RNF169: variants seen among roughly 807,000 people sequenced by gnomAD.
RNF169 encodes ring finger protein 169.
RNF169 carries 24 observed loss-of-function variants against 53.9 expected under a neutral mutation model. The ratio of observed to expected loss-of-function variants is 0.45; its 90% CI spans 0.32 to 0.63. The LOEUF (loss-of-function observed/expected upper bound fraction) is 0.63, where lower values mean the gene tolerates loss of function less well. RNF169 is among the 20% of genes least tolerant of loss of function. The probability of loss-of-function intolerance (pLI) is 0.04; values close to 1 mark genes in which losing one functional copy is unlikely to be tolerated. For synonymous variants in RNF169, 396 were observed against 363.5 expected, an observed-to-expected ratio of 1.09 and a Z score of -1.02; for missense variants, 883 against 906.2, an observed-to-expected ratio of 0.97 and a Z score of 0.33.
At chr11:74,772,993 T>C (rs1019086359) in intron 1 of RNF169, among the ~76,000 whole-genome samples, 1 of 152,222 alleles carries the variant, frequency 6.6e-6, no homozygotes, top group African/African-American at 2.4e-5. Flanking sequence ...AATGGAGATG[T>C]ACTGTCAAAA....
At chr11:74,819,213 C>T (rs1419428027) in intron 4 of RNF169, among the ~76,000 whole-genome samples, 1 of 152,096 alleles carries the variant, frequency 6.6e-6, no homozygotes, top group East Asian at 1.9e-4. Context: ...CAATTTTTAT[C>T]TTCTCTTGGA....
At chr11:74,756,172 C>T (rs538864053) in intron 1 of RNF169, among the ~76,000 whole-genome samples, 13 of 152,174 alleles carry the variant, frequency 8.5e-5, no homozygotes, top group Middle Eastern at 3.4e-3. Context: ...GGCACTAGAG[C>T]TGCAAATAGA....
chr11:74,826,619 G>A (rs908802533), intron 4 of RNF169, among the ~76,000 whole-genome samples: 3 of 152,158 alleles, frequency 2.0e-5, no homozygotes, highest in African/African-American at 7.2e-5. Context: ...CTGCCTATGA[G>A]CCTGTAAAAT....
intron 4 of RNF169, chr11:74,832,621 C>T (rs569978167): frequency 2.0e-5 from 3 of 152,136 alleles, no homozygotes; most frequent in African/African-American, 7.2e-5. Flanking sequence ...AGGCAACTAT[C>T]GGTGAACTGC....
At chr11:74,828,806 AC>A (rs2036135018) in intron 4 of RNF169, among the ~76,000 whole-genome samples, 1 of 152,160 alleles carries the variant, frequency 6.6e-6, no homozygotes, top group Non-Finnish European at 1.5e-5. Flanking sequence ...CTGAAACTGG[AC>A]CCCTTCCTTA....
chr11:74,833,820 A>AT (rs758668857), intron 4 of RNF169, among the ~76,000 whole-genome samples: 1 of 152,220 alleles, frequency 6.6e-6, no homozygotes, highest in African/African-American at 2.4e-5. Context: ...TCATCTGCAC[A>AT]TAATTCTAAC....
chr11:74,775,514 C>A (rs369558490), intron 1 of RNF169, among the ~76,000 whole-genome samples: 1 of 151,668 alleles, frequency 6.6e-6, no homozygotes, highest in African/African-American at 2.4e-5. Context: ...TCATATTCAT[C>A]TCTCTGTTCT....
chr11:74,815,744 G>C (rs1325874582), intron 3 of RNF169, among the ~76,000 whole-genome samples: 5 of 152,102 alleles, frequency 3.3e-5, no homozygotes, highest in Admixed American at 6.5e-5. Context: ...TTTTACAGAT[G>C]AGGAAACTGA....
intron 1 of RNF169, among the ~76,000 whole-genome samples, chr11:74,786,959 A>G (rs926553897): frequency 6.6e-6 from 1 of 152,218 alleles, no homozygotes; most frequent in African/African-American, 2.4e-5. Flanking sequence ...CTACCAGGCT[A>G]TTGCTAAAAT....
At position 74,835,619 on chromosome 11, in the gene RNF169, C is replaced by T. The variant is rs1048312164; in HGVS notation, c.1016C>T (p.Ser339Leu). 6.2e-6 allele frequency: 10 copies of T among 1,614,058 alleles called. No individual in the cohort carries two copies. Among genetic ancestry groups the T allele is most frequent in the East Asian group, 2.2e-5 (1 of 44,888 alleles). ...LLSTQNNRCV[S>L]APDLTIEKRL... Reference sequence around the variant, plus strand: ...TCAACTCAAAACAACCGCTGCGTCTCGGCCCCTGACTTAACCATCGAAAAG... The same window carrying T: ...TCAACTCAAAACAACCGCTGCGTCTTGGCCCCTGACTTAACCATCGAAAAG... Residue 339 changes from serine to leucine, a missense_variant, in exon 6 of 6, where the codon TCG (serine) becomes TTG (leucine). Ser to Leu is a moderately radical substitution (Grantham distance 145, BLOSUM62 -2). This residue lies in a region of RNF169 where 219 missense variants were observed against 289.1 expected (regional missense o/e 0.76). Coordinates refer to ENST00000299563, the MANE Select transcript of RNF169 (RefSeq NM_001098638.2).
At chr11:74,753,747 G>T (rs937864348) in intron 1 of RNF169, among the ~76,000 whole-genome samples, 5 of 152,044 alleles carry the variant, frequency 3.3e-5, no homozygotes, top group African/African-American at 1.2e-4. Context: ...TTGAAGTCCA[G>T]TGCCTCTTTA....
chr11:74,822,683 T>C lies in RNF169; in HGVS notation c.842+4969T>C, dbSNP rs556825912. Reference sequence around the variant, plus strand: ...TTCTCTCATTTCTCTGTCTATGAATTGGGGATGATGACACCTGTGTCATAG... The same window carrying C: ...TTCTCTCATTTCTCTGTCTATGAATCGGGGATGATGACACCTGTGTCATAG... On this transcript the variant is annotated intron_variant, in intron 4 of 5. Transcript: ENST00000299563. Among the ~76,000 whole-genome samples the C allele has an allele frequency of 1.4e-3, 211 of 152,300 alleles. 2 individuals are homozygous for C. Among genetic ancestry groups the C allele is most frequent in the Admixed American group, 6.1e-3 (94 of 15,310 alleles).
Position 74,836,409 on chromosome 11 carries a change from T to C in RNF169, c.1806T>C (p.Thr602=). The C allele has an allele frequency of 6.2e-7, 1 of 1,614,222 alleles. No homozygotes were observed. The highest frequency in any genetic ancestry group is 1.1e-5 in the South Asian group (1 of 91,080). The change falls in exon 6 of 6, where the codon ACT becomes ACC. Residue 602 remains threonine (T), a synonymous_variant. Coordinates refer to ENST00000299563, the MANE Select transcript of RNF169 (RefSeq NM_001098638.2). ...QLKTLNHFDL[T]NGVLVESLSE... ...AGACATTAAATCATTTTGATCTGAC[T>C]AATGGTGTTCTAGTTGAGAGCCTAA...
At chr11:74,751,960 G>A (rs867881240) in intron 1 of RNF169, among the ~76,000 whole-genome samples, 1 of 151,882 alleles carries the variant, frequency 6.6e-6, no homozygotes. Context: ...TTGGCCAGGC[G>A]CGGTGGCTCA....
chr11:74,784,470 T>G (rs79159933), intron 1 of RNF169, among the ~76,000 whole-genome samples: 3,723 of 152,138 alleles, frequency 0.024, 161 homozygotes, highest in African/African-American at 0.085. Context: ...AGGGAGAAGG[T>G]GTGTGGGACA....
chr11:74,770,630 C>T (rs943410344), intron 1 of RNF169, among the ~76,000 whole-genome samples: 1 of 152,102 alleles, frequency 6.6e-6, no homozygotes, highest in Non-Finnish European at 1.5e-5. Context: ...TTACACAGTA[C>T]TTGGCATACG....
At chr11:74,791,383 G>T (rs1170444857) in intron 2 of RNF169, among the ~76,000 whole-genome samples, 7 of 151,424 alleles carry the variant, frequency 4.6e-5, no homozygotes, top group Non-Finnish European at 7.4e-5. Context: ...AGGTGGATCT[G>T]CCCCTTTCTG....
chr11:74,761,840 A>G (rs1373639224), intron 1 of RNF169, among the ~76,000 whole-genome samples: 19 of 144,432 alleles, frequency 1.3e-4, no homozygotes, highest in Non-Finnish European at 2.4e-4. Flanking sequence ...CCTGAATCTG[A>G]ACGTTGGCCT....
At chr11:74,817,254 G>A (rs1232949644) in intron 3 of RNF169, among the ~76,000 whole-genome samples, 2 of 152,148 alleles carry the variant, frequency 1.3e-5, no homozygotes, top group African/African-American at 2.4e-5. Flanking sequence ...TTTAATGGGA[G>A]TGACATAAAC....
Sources: gnomAD v4.1 joint callset for allele counts (sites outside exome capture counted in the v4.1 genomes callset) on GRCh38, gnomAD v4.1.1 for gene constraint, gnomAD v4.1.1 regional missense constraint, MANE v1.5 for transcripts, NCBI Gene and HGNC (gene_info 2026-07-23, HGNC 2026-07-21) for gene names.